The following GTF3C5 variants were observed in gnomAD, a reference collection of about 807,000 sequenced individuals.
The protein encoded by GTF3C5 is general transcription factor 3C polypeptide 5.
Under a neutral mutation model 61.0 loss-of-function variants are expected in GTF3C5, and 47 were observed. The observed-to-expected ratio is 0.77, with a 90% CI of 0.61 to 0.98. The LOEUF is 0.98. Among genes scored for constraint, GTF3C5 ranks in the 50% least tolerant of loss-of-function variants. The probability of loss-of-function intolerance (pLI) is 0.00; values close to 1 mark genes in which losing one functional copy is unlikely to be tolerated. For missense variants in GTF3C5, 659 were observed against 703.3 expected (o/e 0.94, Z 0.71); for synonymous variants, 295 against 275.4 (o/e 1.07, Z -0.71).
intron 3 of GTF3C5, among the ~76,000 whole-genome samples, chr9:133,050,093 T>C (rs1479686555): frequency 6.6e-6 from 1 of 152,094 alleles, no homozygotes; most frequent in Non-Finnish European, 1.5e-5. Context: ...GTCGAGATGC[T>C]TGTGAGCCAA....
intron 3 of GTF3C5, among the ~76,000 whole-genome samples, chr9:133,047,139 G>T (rs1156321590): frequency 6.6e-6 from 1 of 152,126 alleles, no homozygotes; most frequent in Non-Finnish European, 1.5e-5. Flanking sequence ...GAAGACTCAT[G>T]TTTCAGACAG....
intron 3 of GTF3C5, among the ~76,000 whole-genome samples, chr9:133,049,344 G>A (rs1055460929): frequency 7.9e-5 from 12 of 152,180 alleles, no homozygotes; most frequent in Middle Eastern, 3.2e-3. Context: ...TGTCCCGTGC[G>A]GTTTCTAACG....
Position 133,043,898 on chromosome 9 carries a change from T to G in GTF3C5, c.544T>G (p.Tyr182Asp), listed in dbSNP as rs376409247. ...IFSRLDAPVD[Y>D]FYRPETQHRE... ...CTCCCGGCTGGACGCCCCGGTGGAC[T>G]ACTTCTACCGACCAGAGACCCAGCA... Residue 182 changes from tyrosine to aspartate, a missense_variant, in exon 3 of 11, where the codon TAC becomes GAC. Coordinates refer to ENST00000372097, the MANE Select transcript of GTF3C5 (RefSeq NM_012087.4). 2 of 1,613,674 alleles carry G rather than the reference T, an allele frequency of 1.2e-6. No homozygotes were observed. The highest frequency in any genetic ancestry group is 2.7e-5 in the African/African-American group (2 of 74,884).
chr9:133,050,762 A>T, intron 3 of GTF3C5, 21 bp from the exon 4 acceptor site: 1 of 1,590,218 alleles, frequency 6.3e-7, no homozygotes, highest in Non-Finnish European at 8.6e-7. Context: ...TCCTGTTCTC[A>T]CCTGTACTCT....
At chr9:133,034,140 C>T (rs1008141059) in intron 1 of GTF3C5, among the ~76,000 whole-genome samples, 3 of 152,124 alleles carry the variant, frequency 2.0e-5, no homozygotes, top group African/African-American at 7.2e-5. Context: ...GGGGTTACAC[C>T]GCAGTGGCTT....
At chr9:133,056,207 C>G (rs1829934605) in intron 9 of GTF3C5, 113 bp downstream of exon 9, 4 of 838,330 alleles carry the variant, frequency 4.8e-6, no homozygotes, top group Non-Finnish European at 7.6e-6. Context: ...CAAGAGCACT[C>G]GCCTGTCTGG....
rs2119045386 is a variant in GTF3C5 at position 133,058,051 on chromosome 9, C to A, written c.*71C>A. The A allele has an allele frequency of 6.3e-7, 1 of 1,592,964 alleles. No individual in the cohort carries two copies. The highest frequency in any genetic ancestry group is 2.2e-5 in the East Asian group (1 of 44,626). ...GGCCTAATGAGGGAGCCGGGGCTCC[C>A]CATTGCCACCCACAGTGCCCGGAAT... On this transcript the variant is annotated 3_prime_UTR_variant, in exon 11 of 11. Coordinates refer to ENST00000372097, the MANE Select transcript of GTF3C5 (RefSeq NM_012087.4).
chr9:133,037,569 G>C (rs1849905560), intron 1 of GTF3C5, among the ~76,000 whole-genome samples: 1 of 152,118 alleles, frequency 6.6e-6, no homozygotes, highest in African/African-American at 2.4e-5. Flanking sequence ...CCCTTGACCA[G>C]AGATCGGGAT....
At chr9:133,055,759 CG>C (rs1829919848) in intron 8 of GTF3C5, 1 of 1,332,314 alleles carries the variant, frequency 7.5e-7, no homozygotes, top group African/African-American at 1.5e-5. Flanking sequence ...GCCTGCTGCA[CG>C]GGCGGGCTCA....
rs746298003 is a variant in GTF3C5, at chr9:133,058,027, G to A, written c.*47G>A. 3 of 1,605,556 alleles carry A rather than the reference G, an allele frequency of 1.9e-6. No individual in the cohort carries two copies. The highest frequency in any genetic ancestry group is 1.7e-6 in the Non-Finnish European group (2 of 1,176,594). ...CCTGACCCGGCCAGACTGGTGTCTG[G>A]CCTAATGAGGGAGCCGGGGCTCCCC... On this transcript the variant is annotated 3_prime_UTR_variant, in exon 11 of 11. Transcript: ENST00000372097.
chr9:133,054,769 G>A lies in GTF3C5; in HGVS notation c.1127G>A (p.Ser376Asn). Residue 376 changes from serine (S) to asparagine (N), a missense_variant, in exon 8 of 11, where the codon AGT becomes AAT. Physicochemically the swap from Ser to Asn is conservative, Grantham distance 46 (BLOSUM62 1). Coordinates refer to ENST00000372097, the MANE Select transcript of GTF3C5 (RefSeq NM_012087.4). ...CAGGGCCTGGGCCCGTCGGGGACGAGTGGTGCTCGGAAACCAGCTTCCAGC... is the reference window on the plus strand; with the variant it reads ...CAGGGCCTGGGCCCGTCGGGGACGAATGGTGCTCGGAAACCAGCTTCCAGC... ...LKQGLGPSGTSGARKPASSKY... is the reference protein window; with the variant it reads ...LKQGLGPSGTNGARKPASSKY... 6.3e-7 allele frequency: 1 copy of A among 1,584,458 alleles called. No homozygotes were observed. The highest frequency in any genetic ancestry group is 8.6e-7 in the Non-Finnish European group (1 of 1,165,808).
rs1307748736 is a variant in GTF3C5, at chr9:133,057,839, T to C, written c.1419T>C (p.Ala473=). ...CTCTCTTTTCCAGCTCAGCCAAGGC[T>C]GATGGCGGAAAAGAGCAGCTGACGT... ...RPALFSSSAK[A]DGGKEQLTYE... Residue 473 remains alanine, a synonymous_variant, in exon 11 of 11, where the codon GCT becomes GCC. Coordinates refer to ENST00000372097, the MANE Select transcript of GTF3C5 (RefSeq NM_012087.4). 11 of 1,611,994 alleles carry C rather than the reference T, an allele frequency of 6.8e-6. No individual in the cohort carries two copies. The highest frequency in any genetic ancestry group is 9.3e-6 in the Non-Finnish European group (11 of 1,179,094).
chr9:133,048,451 C>T (rs764501452), intron 3 of GTF3C5, among the ~76,000 whole-genome samples: 121 of 150,856 alleles, frequency 8.0e-4, no homozygotes, highest in Non-Finnish European at 1.7e-3. Context: ...GAGCCGAGAT[C>T]GCGCCACCGC....
chr9:133,045,938 G>A (rs1352029913), intron 3 of GTF3C5, among the ~76,000 whole-genome samples: 1 of 152,122 alleles, frequency 6.6e-6, no homozygotes, highest in Non-Finnish European at 1.5e-5. Context: ...TGTCCAGCCC[G>A]AAAAGGACTT....
intron 1 of GTF3C5, among the ~76,000 whole-genome samples, chr9:133,033,711 GA>G (rs1408115526): frequency 6.6e-6 from 1 of 152,182 alleles, no homozygotes; most frequent in African/African-American, 2.4e-5. Flanking sequence ...CATCCAAGTG[GA>G]AAGGGGACAG....
chr9:133,045,631 C>A (rs1009505337), intron 3 of GTF3C5, among the ~76,000 whole-genome samples: 1 of 152,006 alleles, frequency 6.6e-6, no homozygotes, highest in Non-Finnish European at 1.5e-5. Flanking sequence ...AATGAAAGGG[C>A]CTTTTTTTCT....
At chr9:133,035,502 C>T (rs1300374267) in intron 1 of GTF3C5, among the ~76,000 whole-genome samples, 3 of 152,176 alleles carry the variant, frequency 2.0e-5, no homozygotes, top group African/African-American at 7.2e-5. Context: ...CTTGGGGTCC[C>T]CAGTGAATTC....
intron 3 of GTF3C5, 55 bp downstream of exon 3, chr9:133,043,981 G>T (rs1010447960): frequency 6.0e-6 from 8 of 1,332,360 alleles, no homozygotes; most frequent in Non-Finnish European, 8.5e-6. Context: ...GGGATGGTCC[G>T]GGCACGGAGG....
chr9:133,053,865 G>T lies in GTF3C5; in HGVS notation c.911G>T (p.Gly304Val). ...GPWRSLWIRF[G>V]YDPRKNPDAK... Reference sequence around the variant, plus strand: ...TGGCGCAGCCTATGGATTCGATTTGGGTATGACCCCCGAAAAAACCCAGAT... The same window carrying T: ...TGGCGCAGCCTATGGATTCGATTTGTGTATGACCCCCGAAAAAACCCAGAT... The change falls in exon 6 of 11, where the codon GGG (glycine) becomes GTG (valine). Residue 304 changes from glycine to valine, a missense_variant. Transcript: ENST00000372097. The T allele has an allele frequency of 6.2e-7, 1 of 1,613,096 alleles. No homozygotes were observed. The highest frequency in any genetic ancestry group is 8.5e-7 in the Non-Finnish European group (1 of 1,179,320).
Sources: gnomAD v4.1 joint callset for allele counts (sites outside exome capture counted in the v4.1 genomes callset) on GRCh38, gnomAD v4.1.1 for gene constraint, MANE v1.5 for transcripts, NCBI Gene and HGNC (gene_info 2026-07-23, HGNC 2026-07-21) for gene names.